NRG3: variants seen among roughly 807,000 people sequenced by gnomAD.
NRG3 encodes pro-neuregulin-3, membrane-bound isoform.
In NRG3, 31 loss-of-function variants were observed where a neutral mutation model predicts 66.9. The observed-to-expected ratio is 0.46, with a 90% CI of 0.35 to 0.63. NRG3 has a LOEUF of 0.63. Ranked by LOEUF, NRG3 falls within the 20% of genes least tolerant of loss-of-function variation. NRG3 has a pLI of 0.00. For missense variants in NRG3, 910 were observed against 878.9 expected (o/e 1.04, Z -0.45); for synonymous variants, 393 against 359.4 (o/e 1.09, Z -1.06).
At chr10:82,612,634 T>G (rs1590873392) in intron 2 of NRG3, among the ~76,000 whole-genome samples, 1 of 152,304 alleles carries the variant, frequency 6.6e-6, no homozygotes, top group Admixed American at 6.5e-5. Flanking sequence ...ATGTCTTTTT[T>G]TCTTTTGAAA....
At chr10:81,971,683 A>T (rs903661386) in intron 1 of NRG3, among the ~76,000 whole-genome samples, 1 of 152,234 alleles carries the variant, frequency 6.6e-6, no homozygotes, top group Non-Finnish European at 1.5e-5. Context: ...CTGCTTTAAG[A>T]CAGTTTCCAA....
intron 2 of NRG3, among the ~76,000 whole-genome samples, chr10:82,563,610 A>T (rs1435681696): frequency 6.6e-6 from 1 of 151,886 alleles, no homozygotes; most frequent in Non-Finnish European, 1.5e-5. Flanking sequence ...TCACATACTT[A>T]TATATGTGAT....
chr10:82,349,312 G>C (rs936662095), intron 1 of NRG3, among the ~76,000 whole-genome samples: 1 of 152,008 alleles, frequency 6.6e-6, no homozygotes, highest in Non-Finnish European at 1.5e-5. Context: ...AGGTCTGTTG[G>C]AATACCCTGC....
chr10:81,930,852 G>A (rs890306502), intron 1 of NRG3, among the ~76,000 whole-genome samples: 1 of 152,206 alleles, frequency 6.6e-6, no homozygotes, highest in Non-Finnish European at 1.5e-5. Flanking sequence ...GCATGGTAAT[G>A]AGGAAGCTTC....
At chr10:82,721,433 C>T (rs948393050) in intron 2 of NRG3, among the ~76,000 whole-genome samples, 55 of 149,880 alleles carry the variant, frequency 3.7e-4, no homozygotes, top group Admixed American at 6.0e-4. Flanking sequence ...CCACCGCGCC[C>T]GGCCTTGAAA....
chr10:81,938,555 G>A (rs925047594), intron 1 of NRG3, among the ~76,000 whole-genome samples: 3 of 150,862 alleles, frequency 2.0e-5, no homozygotes, highest in East Asian at 2.0e-4. Flanking sequence ...TAGAAACACA[G>A]ACAATTTTTT....
chr10:82,051,020 A>T (rs2063566126), intron 1 of NRG3, among the ~76,000 whole-genome samples: 1 of 152,084 alleles, frequency 6.6e-6, no homozygotes, highest in South Asian at 2.1e-4. Flanking sequence ...GCTGTGATCA[A>T]TTTGGGAGCC....
intron 1 of NRG3, among the ~76,000 whole-genome samples, chr10:82,118,687 G>C (rs1564579534): frequency 6.6e-6 from 1 of 151,980 alleles, no homozygotes; most frequent in Non-Finnish European, 1.5e-5. Flanking sequence ...TTTTTTTGAG[G>C]GGGGATAATG....
At chr10:82,465,102 C>T (rs1840551343) in intron 2 of NRG3, among the ~76,000 whole-genome samples, 1 of 152,200 alleles carries the variant, frequency 6.6e-6, no homozygotes, top group Non-Finnish European at 1.5e-5. Flanking sequence ...TACTGAAGAG[C>T]ATCCCTACAG....
chr10:82,972,175 A>T (rs1851824535), intron 6 of NRG3, among the ~76,000 whole-genome samples: 1 of 152,042 alleles, frequency 6.6e-6, no homozygotes. Flanking sequence ...TAGTTTTTTC[A>T]TGTATTGTAT....
intron 1 of NRG3, among the ~76,000 whole-genome samples, chr10:82,275,459 A>T (rs972070861): frequency 3.3e-5 from 5 of 151,976 alleles, no homozygotes; most frequent in Non-Finnish European, 7.4e-5. Flanking sequence ...AAAAAATTAG[A>T]CTCTATTTGT....
At chr10:82,013,087 T>A (rs2061645724) in intron 1 of NRG3, among the ~76,000 whole-genome samples, 1 of 152,174 alleles carries the variant, frequency 6.6e-6, no homozygotes, top group Non-Finnish European at 1.5e-5. Flanking sequence ...TAATAAAGAC[T>A]TAACCAAGAC....
Position 82,297,271 on chromosome 10 carries a change from ATT to A in NRG3, c.824-61458_824-61457del, listed in dbSNP as rs5786546. Among the ~76,000 whole-genome samples, 93 of 149,852 alleles carry A rather than the reference ATT, an allele frequency of 6.2e-4. 1 individual carries two copies. The East Asian group carries it at 0.014, about 22-fold the overall frequency. On this transcript the variant is annotated intron_variant, in intron 1 of 8. Transcript: ENST00000372141. ...AATGCAGGTGTCTTTTTGATAAAAC[ATT>A]TTTTTTTTTCTTTTGGGTAGATACT...
At chr10:81,933,107 C>CAA (rs769607380) in intron 1 of NRG3, among the ~76,000 whole-genome samples, 8 of 59,472 alleles carry the variant, frequency 1.3e-4, no homozygotes, top group Admixed American at 2.0e-4. Flanking sequence ...CGCTCCATCT[C>CAA]AAAAAAAAAA....
intron 2 of NRG3, among the ~76,000 whole-genome samples, chr10:82,440,354 C>T: frequency 1.5e-5 from 2 of 135,758 alleles, no homozygotes. Context: ...TACTAGTTTG[C>T]CTGTTTGATT....
At chr10:82,246,957 C>A (rs2077273443) in intron 1 of NRG3, among the ~76,000 whole-genome samples, 1 of 152,152 alleles carries the variant, frequency 6.6e-6, no homozygotes, top group Admixed American at 6.6e-5. Context: ...AAAGTTGCAA[C>A]TGAGAAAACC....
chr10:82,409,302 A>G (rs969523797), intron 2 of NRG3, among the ~76,000 whole-genome samples: 10 of 152,224 alleles, frequency 6.6e-5, no homozygotes, highest in African/African-American at 2.2e-4. Context: ...ATAGTGGCAT[A>G]TAAGCATAAA....
At chr10:82,087,031 T>C (rs781171773) in intron 1 of NRG3, among the ~76,000 whole-genome samples, 6 of 152,070 alleles carry the variant, frequency 3.9e-5, no homozygotes, top group Non-Finnish European at 7.4e-5. Context: ...GGGTGAACTT[T>C]ACAAGATAAA....
chr10:82,666,330 A>T (rs1036149831), intron 2 of NRG3, among the ~76,000 whole-genome samples: 2 of 152,198 alleles, frequency 1.3e-5, no homozygotes, highest in African/African-American at 4.8e-5. Flanking sequence ...ATAGATGTTC[A>T]TAACTCCTTC....
Sources: gnomAD v4.1 joint callset for allele counts (sites outside exome capture counted in the v4.1 genomes callset) on GRCh38, gnomAD v4.1.1 for gene constraint, MANE v1.5 for transcripts, NCBI Gene and HGNC (gene_info 2026-07-23, HGNC 2026-07-21) for gene names.